Variants in PHF21B observed in about 807,000 individuals in gnomAD.
The protein encoded by PHF21B is PHD finger protein 21B, also known as PHD finger protein 4.
PHF21B carries 22 observed loss-of-function variants against 62.2 expected under a neutral mutation model. That is an observed-to-expected ratio of 0.35 (90% CI 0.25 to 0.51). The LOEUF is 0.51. Among genes scored for constraint, PHF21B ranks in the 20% least tolerant of loss-of-function variants. PHF21B has a pLI of 0.97. For missense variants in PHF21B, 701 were observed against 707.9 expected (o/e 0.99, Z 0.11); for synonymous variants, 341 against 314.7 (o/e 1.08, Z -0.88).
At chr22:45,001,852 C>T (rs944176712) in intron 2 of PHF21B, 4 of 152,230 alleles carry the variant, frequency 2.6e-5, no homozygotes, top group Non-Finnish European at 5.9e-5. Flanking sequence ...TCTGCAGACA[C>T]CTCCGTGAGC....
chr22:44,917,255 C>T (rs2071454559), intron 3 of PHF21B, among the ~76,000 whole-genome samples: 1 of 152,230 alleles, frequency 6.6e-6, no homozygotes, highest in Admixed American at 6.5e-5. Flanking sequence ...CTCTGGGGTC[C>T]TGGTGACACA....
At chr22:44,977,280 G>T (rs923167748) in intron 2 of PHF21B, among the ~76,000 whole-genome samples, 8 of 151,798 alleles carry the variant, frequency 5.3e-5, no homozygotes, top group Non-Finnish European at 8.8e-5. Flanking sequence ...AAGTGTATCA[G>T]GCCAGGCACG....
At chr22:44,961,861 T>TAAAC (rs929927110) in intron 2 of PHF21B, among the ~76,000 whole-genome samples, 5 of 147,804 alleles carry the variant, frequency 3.4e-5, no homozygotes, top group African/African-American at 1.2e-4. Context: ...AATAAATAAA[T>TAAAC]AAATAAATAA....
chr22:44,883,324 G>A lies in PHF21B; in HGVS notation c.1378-20C>T, dbSNP rs1210385267. ...GCATTTCTGTTGGGGAGAAGGTCAGGGGAAAGGGTCTCAGTATTCGGCTCT... is the reference window on the plus strand; with the variant it reads ...GCATTTCTGTTGGGGAGAAGGTCAGAGGAAAGGGTCTCAGTATTCGGCTCT... On this transcript the variant is annotated intron_variant, in intron 12 of 12. Transcript: ENST00000313237. 1.2e-6 allele frequency: 2 copies of A among 1,610,214 alleles called. No homozygotes were observed. The highest frequency in any genetic ancestry group is 1.7e-6 in the Non-Finnish European group (2 of 1,178,282).
chr22:44,961,612 G>A (rs955696398), intron 2 of PHF21B, among the ~76,000 whole-genome samples: 2 of 151,970 alleles, frequency 1.3e-5, no homozygotes, highest in East Asian at 1.9e-4. Context: ...AGGCCTACGT[G>A]GGCAGAGCAC....
chr22:44,908,486 C>T (rs191266397), intron 5 of PHF21B, among the ~76,000 whole-genome samples: 59 of 152,326 alleles, frequency 3.9e-4, no homozygotes, highest in Admixed American at 2.7e-3. Flanking sequence ...GCTGACTCGA[C>T]GTCCCCTTCT....
chr22:44,936,252 C>T (rs2071844452), intron 2 of PHF21B, among the ~76,000 whole-genome samples: 1 of 152,230 alleles, frequency 6.6e-6, no homozygotes, highest in Non-Finnish European at 1.5e-5. Flanking sequence ...TGGAGTGCTC[C>T]TCCCTGGCCA....
At chr22:44,932,595 C>T (rs936420813) in intron 2 of PHF21B, among the ~76,000 whole-genome samples, 1 of 152,238 alleles carries the variant, frequency 6.6e-6, no homozygotes, top group Admixed American at 6.5e-5. Flanking sequence ...CACACAGTCC[C>T]GCTGGCCTCA....
In PHF21B at chr22:44,884,088, GCCA is replaced by G. The variant is rs1210942265; in HGVS notation, c.1378-787_1378-785del. Among the ~76,000 whole-genome samples, 98 of 71,838 alleles carry G rather than the reference GCCA, an allele frequency of 1.4e-3. 3 individuals carry two copies. Among genetic ancestry groups the G allele is most frequent in the African/African-American group, 3.9e-3 (63 of 16,060 alleles). The allele number at this position is 71,838 out of a possible 152,430, so 47.1% of individuals were successfully genotyped here. A position where few individuals can be genotyped will look rare whatever the true frequency, so the allele number is the denominator to read the frequency against. ...CACCATGATCACCATTATCACCACC[GCCA>G]CCACCATCACTGTGATCAGCACCAT... On this transcript the variant is annotated intron_variant, in intron 12 of 12. Coordinates refer to ENST00000313237, the MANE Select transcript of PHF21B (RefSeq NM_138415.5).
At chr22:44,960,779 C>T (rs1031629352) in intron 2 of PHF21B, among the ~76,000 whole-genome samples, 3 of 152,156 alleles carry the variant, frequency 2.0e-5, no homozygotes, top group Admixed American at 6.5e-5. Flanking sequence ...TCTGCCTGCA[C>T]TCAGCCTGGA....
intron 2 of PHF21B, among the ~76,000 whole-genome samples, chr22:44,982,658 T>C (rs2072864303): frequency 6.6e-6 from 1 of 152,218 alleles, no homozygotes; most frequent in Non-Finnish European, 1.5e-5. Flanking sequence ...CAAATGAGGC[T>C]GTCGATTTTA....
intron 11 of PHF21B, 29 bp from the exon 12 acceptor site, chr22:44,885,558 G>A (rs764827863): frequency 8.3e-6 from 13 of 1,559,328 alleles, no homozygotes; most frequent in South Asian, 2.4e-5. Context: ...GGTCCCTGGA[G>A]AGGGGCAGGT....
chr22:44,988,120 AAT>A (rs1418453594), intron 2 of PHF21B, among the ~76,000 whole-genome samples: 16 of 152,216 alleles, frequency 1.1e-4, no homozygotes, highest in Admixed American at 1.0e-3. Flanking sequence ...ACCATGAACT[AAT>A]ATTTCATCCC....
In PHF21B at chr22:44,896,017, T is replaced by A. The variant is rs534818229; in HGVS notation, c.883+15A>T. On this transcript the variant is annotated intron_variant, in intron 6 of 12. Coordinates refer to ENST00000313237, the MANE Select transcript of PHF21B (RefSeq NM_138415.5). ...AGTCCCAGCCCAACCTGCTGCTACC[T>A]GGATCCTTCCTTACCTTCCAAATGT... The A allele has an allele frequency of 2.5e-6, 4 of 1,614,036 alleles. No homozygotes were observed. Among genetic ancestry groups the A allele is most frequent in the Non-Finnish European group, 3.4e-6 (4 of 1,179,996 alleles).
At chr22:44,909,534 G>A (rs559781879) in intron 5 of PHF21B, among the ~76,000 whole-genome samples, 10 of 152,334 alleles carry the variant, frequency 6.6e-5, no homozygotes, top group East Asian at 3.9e-4. Context: ...TAGACATGTC[G>A]AAGGACAATA....
chr22:44,919,013 C>A (rs1236251242), intron 3 of PHF21B, among the ~76,000 whole-genome samples: 1 of 152,196 alleles, frequency 6.6e-6, no homozygotes, highest in Non-Finnish European at 1.5e-5. Flanking sequence ...TCTCTCCCTA[C>A]CACCTCTGCC....
intron 5 of PHF21B, among the ~76,000 whole-genome samples, chr22:44,910,135 G>A (rs1412912128): frequency 6.6e-6 from 1 of 152,206 alleles, no homozygotes; most frequent in East Asian, 1.9e-4. Flanking sequence ...GGTAATGACA[G>A]TACATTGATG....
chr22:44,902,059 G>A lies in PHF21B; in HGVS notation c.832-5976C>T, dbSNP rs560876786. 13 of 230,896 alleles carry A rather than the reference G, an allele frequency of 5.6e-5. No homozygotes were observed. The East Asian group carries it at 6.9e-4, about 12-fold the overall frequency. 14.3% of individuals were successfully genotyped at this position (230,896 alleles called of 1,614,324 possible). A position where few individuals can be genotyped will look rare whatever the true frequency, so the allele number is the denominator to read the frequency against. On this transcript the variant is annotated intron_variant, in intron 5 of 12. Coordinates refer to ENST00000313237, the MANE Select transcript of PHF21B (RefSeq NM_138415.5). ...CTGGACACCACAGAGGCAAGAGGGC[G>A]GTTCTCCTGAAGAGCTGGGCAGTGG...
At chr22:44,954,085 C>G (rs964740430) in intron 2 of PHF21B, among the ~76,000 whole-genome samples, 1 of 152,196 alleles carries the variant, frequency 6.6e-6, no homozygotes, top group Admixed American at 6.5e-5. Context: ...CTGAGAGGAT[C>G]CAGGTTTACG....
Sources: gnomAD v4.1 joint callset for allele counts (sites outside exome capture counted in the v4.1 genomes callset) on GRCh38, gnomAD v4.1.1 for gene constraint, MANE v1.5 for transcripts, NCBI Gene and HGNC (gene_info 2026-07-23, HGNC 2026-07-21) for gene names.